TRPC1: variants seen among roughly 807,000 people sequenced by gnomAD.
TRPC1 encodes short transient receptor potential channel 1.
TRPC1 carries 42 observed loss-of-function variants against 88.2 expected under a neutral mutation model. The observed-to-expected ratio is 0.48, with a 90% CI of 0.37 to 0.62. The LOEUF is 0.62. Ranked by LOEUF, TRPC1 falls within the 20% of genes least tolerant of loss-of-function variation. The probability of loss-of-function intolerance (pLI) is 0.00; values close to 1 mark genes in which losing one functional copy is unlikely to be tolerated. For synonymous variants in TRPC1, 288 were observed against 331.8 expected, an observed-to-expected ratio of 0.87 and a Z score of 1.43; for missense variants, 699 against 957.3, an observed-to-expected ratio of 0.73 and a Z score of 3.56.
At chr3:142,803,247 C>T (rs1387785769) in intron 10 of TRPC1, among the ~76,000 whole-genome samples, 1 of 152,116 alleles carries the variant, frequency 6.6e-6, no homozygotes, top group Non-Finnish European at 1.5e-5. Flanking sequence ...ATGTGAGGAT[C>T]TAAAGCTGGT....
At chr3:142,765,478 G>C (rs1427739625) in intron 4 of TRPC1, among the ~76,000 whole-genome samples, 1 of 152,068 alleles carries the variant, frequency 6.6e-6, no homozygotes, top group Admixed American at 6.6e-5. Flanking sequence ...CAGACATATA[G>C]ACCGATGGAA....
chr3:142,791,059 G>T lies in TRPC1; in HGVS notation c.1338G>T (p.Gly446=). Residue 446 remains glycine (G), a synonymous_variant, in exon 8 of 13, where the codon GGG becomes GGT. Coordinates refer to ENST00000476941, the MANE Select transcript of TRPC1 (RefSeq NM_001251845.2). ...WSDIKRLWYE[G]LEDFLEESRN... ...ACATTAAAAGACTCTGGTATGAAGG[G>T]TTGGAAGACTTTTTAGAAGAATCTC... The T allele has an allele frequency of 6.2e-7, 1 of 1,610,700 alleles. No homozygotes were observed. Among genetic ancestry groups the T allele is most frequent in the Non-Finnish European group, 8.5e-7 (1 of 1,178,590 alleles).
At chr3:142,762,676 A>T (rs181173009) in intron 4 of TRPC1, among the ~76,000 whole-genome samples, 238 of 148,646 alleles carry the variant, frequency 1.6e-3, no homozygotes, top group African/African-American at 5.7e-3. Flanking sequence ...TGATCCTCCT[A>T]TCGTGGCCTC....
chr3:142,759,881 G>T (rs1935119137), intron 4 of TRPC1, among the ~76,000 whole-genome samples: 1 of 152,010 alleles, frequency 6.6e-6, no homozygotes, highest in Non-Finnish European at 1.5e-5. Context: ...AAGGAAGGGA[G>T]TCTTGCTCTG....
rs754477099 is a variant in TRPC1 at position 142,777,584 on chromosome 3, ATATGTG to A, written c.633-44_633-39del. ...AAAATTATAGATTAAAATACGAATT[ATATGTG>A]TATAAGTTTATTTTACATTATGGAA... On this transcript the variant is annotated intron_variant, in intron 4 of 12. Transcript: ENST00000476941. 8 of 1,290,634 alleles carry A rather than the reference ATATGTG, an allele frequency of 6.2e-6. No individual in the cohort carries two copies. In the Admixed American group the frequency reaches 2.0e-4, roughly 32 times the overall value. The allele number at this position is 1,290,634 out of a possible 1,614,324, so 79.9% of individuals were successfully genotyped here.
rs150366583 is a variant in TRPC1, at chr3:142,750,788, C to T, written c.632+2328C>T. Among the ~76,000 whole-genome samples, 1,427 of 152,148 alleles carry T rather than the reference C, an allele frequency of 9.4e-3. 17 individuals are homozygous for T. The highest frequency in any genetic ancestry group is 0.031 in the African/African-American group (1,289 of 41,494). On this transcript the variant is annotated intron_variant, in intron 4 of 12. Coordinates refer to ENST00000476941, the MANE Select transcript of TRPC1 (RefSeq NM_001251845.2). Reference sequence around the variant, plus strand: ...CAGGGACATGGATGAAACTGGAAACCGTCATTCTCAGCAAACTAACACAGG... The same window carrying T: ...CAGGGACATGGATGAAACTGGAAACTGTCATTCTCAGCAAACTAACACAGG...
chr3:142,801,236 A>G (rs2108161769), intron 9 of TRPC1: 1 of 152,248 alleles, frequency 6.6e-6, no homozygotes, highest in Admixed American at 6.5e-5. Context: ...GAATTTGTCT[A>G]GCAGGCTTTC....
chr3:142,773,656 T>G (rs942638037), intron 4 of TRPC1, among the ~76,000 whole-genome samples: 5 of 142,816 alleles, frequency 3.5e-5, no homozygotes, highest in African/African-American at 7.9e-5. Flanking sequence ...AATTTTTTGG[T>G]TGGAAACTGG....
At chr3:142,755,530 C>G (rs1934931673) in intron 4 of TRPC1, among the ~76,000 whole-genome samples, 1 of 152,206 alleles carries the variant, frequency 6.6e-6, no homozygotes, top group South Asian at 2.1e-4. Context: ...CAATTTCTGC[C>G]TATACAGAAT....
intron 4 of TRPC1, among the ~76,000 whole-genome samples, chr3:142,775,448 G>A (rs1031484972): frequency 2.6e-5 from 4 of 152,130 alleles, no homozygotes; most frequent in South Asian, 4.2e-4. Context: ...GCAAAACCCC[G>A]TCTTTACTAA....
intron 2 of TRPC1, among the ~76,000 whole-genome samples, chr3:142,737,324 T>TTATATA (rs10662325): frequency 3.7e-4 from 54 of 147,818 alleles, no homozygotes; most frequent in Non-Finnish European, 5.8e-4. Flanking sequence ...CATTGCTATT[T>TTATATA]TATATATATA....
chr3:142,789,344 C>T (rs146994720), intron 7 of TRPC1, among the ~76,000 whole-genome samples: 31 of 151,094 alleles, frequency 2.1e-4, no homozygotes, highest in African/African-American at 7.5e-4. Context: ...TAAAATGTTA[C>T]CTGCTAGACT....
chr3:142,774,640 C>A (rs988149354), intron 4 of TRPC1, among the ~76,000 whole-genome samples: 7 of 152,170 alleles, frequency 4.6e-5, no homozygotes, highest in Non-Finnish European at 7.4e-5. Context: ...TTTCAACAAT[C>A]AACAATTCTC....
chr3:142,777,361 C>A (rs1405273068), intron 4 of TRPC1, among the ~76,000 whole-genome samples: 1 of 151,986 alleles, frequency 6.6e-6, no homozygotes, highest in Non-Finnish European at 1.5e-5. Context: ...AAACAAAAAT[C>A]TTTATATTAT....
At chr3:142,739,115 T>C (rs1444396113) in intron 2 of TRPC1, among the ~76,000 whole-genome samples, 1 of 152,014 alleles carries the variant, frequency 6.6e-6, no homozygotes, top group African/African-American at 2.4e-5. Flanking sequence ...GGGATTATTA[T>C]AGGCATGCAC....
In TRPC1 at chr3:142,732,917, G is replaced by T. The variant is rs4305459; in HGVS notation, c.173-3462G>T. Among the ~76,000 whole-genome samples the T allele has an allele frequency of 9.4e-3, 1,428 of 152,026 alleles. 29 individuals are homozygous for T. Among genetic ancestry groups the T allele is most frequent in the African/African-American group, 0.033 (1,365 of 41,488 alleles). ...ACTTGCTGTCTATTTTAAGTTTTCT[G>T]ACCTCTTTTTACATATATACTCATC... On this transcript the variant is annotated intron_variant, in intron 1 of 12. Transcript: ENST00000476941.
chr3:142,737,055 A>G (rs530832976), intron 2 of TRPC1, among the ~76,000 whole-genome samples: 20 of 152,276 alleles, frequency 1.3e-4, no homozygotes, highest in African/African-American at 4.1e-4. Flanking sequence ...TTATCCATCT[A>G]TAAAAGGTAG....
chr3:142,785,914 G>C (rs1936119963), intron 7 of TRPC1, among the ~76,000 whole-genome samples: 1 of 152,156 alleles, frequency 6.6e-6, no homozygotes, highest in Non-Finnish European at 1.5e-5. Context: ...TTTCTTTGTA[G>C]AGATAGCCAG....
chr3:142,784,468 G>C (rs1020473997), intron 6 of TRPC1, among the ~76,000 whole-genome samples: 7 of 152,178 alleles, frequency 4.6e-5, no homozygotes, highest in African/African-American at 1.4e-4. Flanking sequence ...ACTTGTTAAA[G>C]GTCATTTACC....
Sources: allele counts gnomAD v4.1 joint callset (sites outside exome capture counted in the v4.1 genomes callset), GRCh38; gene constraint gnomAD v4.1.1; transcripts MANE v1.5; gene names NCBI Gene and HGNC (gene_info 2026-07-23, HGNC 2026-07-21).